SH3RF1: variants seen among roughly 807,000 people sequenced by gnomAD.
SH3RF1 encodes E3 ubiquitin-protein ligase SH3RF1.
SH3RF1 carries 32 observed loss-of-function variants against 74.0 expected under a neutral mutation model. The observed-to-expected ratio is 0.43, with a 90% CI of 0.33 to 0.58. The LOEUF (loss-of-function observed/expected upper bound fraction) is 0.58. Ranked by LOEUF, SH3RF1 falls within the 20% of genes least tolerant of loss-of-function variation. SH3RF1 has a pLI of 0.05. For missense variants in SH3RF1, 954 were observed against 1,130.9 expected, an observed-to-expected ratio of 0.84 and a Z score of 2.24; for synonymous variants, 396 against 439.6, an observed-to-expected ratio of 0.90 and a Z score of 1.24.
At chr4:169,215,795 T>C (rs1315441349) in intron 2 of SH3RF1, among the ~76,000 whole-genome samples, 1 of 152,046 alleles carries the variant, frequency 6.6e-6, no homozygotes, top group Non-Finnish European at 1.5e-5. Context: ...TTCGTTTGCT[T>C]GTTTGTAACT....
chr4:169,145,859 TA>T (rs896822559), intron 4 of SH3RF1, among the ~76,000 whole-genome samples: 2 of 117,430 alleles, frequency 1.7e-5, no homozygotes, highest in African/African-American at 6.4e-5. Flanking sequence ...TTATTCTATA[TA>T]AAATATGTAT....
chr4:169,102,114 C>G (rs1733047866), intron 11 of SH3RF1, among the ~76,000 whole-genome samples: 1 of 152,214 alleles, frequency 6.6e-6, no homozygotes, highest in Non-Finnish European at 1.5e-5. Context: ...GTTCATCACT[C>G]TGACCTGGGT....
At chr4:169,262,125 G>C (rs1319130175) in intron 2 of SH3RF1, among the ~76,000 whole-genome samples, 1 of 152,094 alleles carries the variant, frequency 6.6e-6, no homozygotes. Context: ...GTAGGTCTAT[G>C]TGCTTAAACA....
intron 2 of SH3RF1, among the ~76,000 whole-genome samples, chr4:169,224,345 T>C (rs1579148147): frequency 2.7e-5 from 4 of 148,162 alleles, no homozygotes; most frequent in East Asian, 2.0e-4. Context: ...TGAAATGGAG[T>C]CTTGCTCTGT....
intron 2 of SH3RF1, among the ~76,000 whole-genome samples, chr4:169,195,474 A>G (rs1734793839): frequency 6.6e-6 from 1 of 152,308 alleles, no homozygotes; most frequent in Non-Finnish European, 1.5e-5. Flanking sequence ...GTTATTTATC[A>G]GTGTTACAAA....
At chr4:169,256,225 A>AGGAGGCAGAGAAGGAAGAAAGGGAG (rs1210487073) in intron 2 of SH3RF1, among the ~76,000 whole-genome samples, 5 of 151,108 alleles carry the variant, frequency 3.3e-5, no homozygotes, top group African/African-American at 1.2e-4. Flanking sequence ...ATCACAGGGA[A>AGGAGGCAGAGAAGGAAGAAAGGGAG]GGAGGCAGAG....
At chr4:169,162,846 G>T (rs1031466897) in intron 2 of SH3RF1, among the ~76,000 whole-genome samples, 14 of 152,206 alleles carry the variant, frequency 9.2e-5, no homozygotes, top group African/African-American at 3.4e-4. Flanking sequence ...GCTGACCAAG[G>T]CCAGCCTTTG....
intron 2 of SH3RF1, among the ~76,000 whole-genome samples, chr4:169,259,737 C>T (rs892076072): frequency 6.6e-6 from 1 of 152,164 alleles, no homozygotes. Flanking sequence ...CATAATATTT[C>T]TATCATATGT....
intron 2 of SH3RF1, among the ~76,000 whole-genome samples, chr4:169,265,569 G>A (rs1385676603): frequency 6.6e-6 from 1 of 152,158 alleles, no homozygotes; most frequent in African/African-American, 2.4e-5. Flanking sequence ...TGCCTCCCAG[G>A]TTCAAGCGAT....
chr4:169,117,773 TGTCACC>T lies in SH3RF1; in HGVS notation c.1521_1526del (p.Val508_Thr509del). ...TAGGGACTTTAGCTTGGGAAGCATT[TGTCACC>T]GCCCTGCCAAGACACAAACATAGAT... On this transcript the variant is annotated inframe_deletion, in exon 9 of 12. Transcript: ENST00000284637. 6.2e-7 allele frequency: 1 copy of T among 1,608,844 alleles called. No individual in the cohort carries two copies. Among genetic ancestry groups the T allele is most frequent in the Non-Finnish European group, 8.5e-7 (1 of 1,175,646 alleles).
At chr4:169,242,258 G>A in intron 2 of SH3RF1, among the ~76,000 whole-genome samples, 1 of 151,954 alleles carries the variant, frequency 6.6e-6, no homozygotes, top group East Asian at 1.9e-4. Context: ...ATATAAAACT[G>A]CTTTCACTTG....
chr4:169,104,015 G>C (rs947823060), intron 11 of SH3RF1, among the ~76,000 whole-genome samples: 11 of 152,164 alleles, frequency 7.2e-5, no homozygotes, highest in African/African-American at 2.4e-4. Flanking sequence ...GTCTGAGCTA[G>C]CAATTCCTTC....
At chr4:169,270,345 C>T (rs1449904184) in intron 1 of SH3RF1, among the ~76,000 whole-genome samples, 1 of 152,054 alleles carries the variant, frequency 6.6e-6, no homozygotes, top group Non-Finnish European at 1.5e-5. Flanking sequence ...CGGCAGGAGC[C>T]GGTCGCGGCC....
Position 169,096,526 on chromosome 4 carries a change from T to C in SH3RF1, c.2660A>G (p.Asn887Ser). Residue 887 changes from asparagine to serine, a missense_variant, in exon 12 of 12, where the codon AAC (asparagine) becomes AGC (serine). Around this residue, in one of 3 missense-constraint regions of SH3RF1, gnomAD observed 36 missense variants for 66.5 expected, o/e 0.54. Coordinates refer to ENST00000284637, the MANE Select transcript of SH3RF1 (RefSeq NM_020870.4). Reference protein sequence around the residue: ...TGLFPGSFVENI With the variant: ...TGLFPGSFVESI ...TCTTCAGTGTCAGTCTCCTCATATG[T>C]TTTCCACAAAGCTTCCTGGGAAAAG... 1 of 1,613,734 alleles carries C rather than the reference T, an allele frequency of 6.2e-7. No individual in the cohort carries two copies. Among genetic ancestry groups the C allele is most frequent in the South Asian group, 1.1e-5 (1 of 90,946 alleles).
intron 2 of SH3RF1, among the ~76,000 whole-genome samples, chr4:169,245,863 T>C (rs890216931): frequency 2.6e-5 from 4 of 152,226 alleles, no homozygotes; most frequent in Non-Finnish European, 5.9e-5. Flanking sequence ...CCACCTTCAA[T>C]AGATTCTTCC....
At chr4:169,231,867 A>G (rs1730746402) in intron 2 of SH3RF1, among the ~76,000 whole-genome samples, 1 of 152,262 alleles carries the variant, frequency 6.6e-6, no homozygotes, top group Non-Finnish European at 1.5e-5. Flanking sequence ...AGGATATATA[A>G]GTATCAGGTC....
intron 4 of SH3RF1, among the ~76,000 whole-genome samples, chr4:169,138,296 A>G (rs1733732384): frequency 6.6e-6 from 1 of 152,210 alleles, no homozygotes; most frequent in Non-Finnish European, 1.5e-5. Flanking sequence ...ATGGAGGGGT[A>G]GGGTCCTCTT....
At chr4:169,270,236 C>T (rs371007155) in intron 1 of SH3RF1, among the ~76,000 whole-genome samples, 8 of 152,156 alleles carry the variant, frequency 5.3e-5, no homozygotes, top group African/African-American at 1.7e-4. Context: ...GGCTGCACCC[C>T]CGCTCCCACG....
At chr4:169,187,905 A>G (rs1220382218) in intron 2 of SH3RF1, among the ~76,000 whole-genome samples, 1 of 152,174 alleles carries the variant, frequency 6.6e-6, no homozygotes, top group Non-Finnish European at 1.5e-5. Flanking sequence ...AAATGAGGTC[A>G]TGCTGGATTT....
Sources: allele counts gnomAD v4.1 joint callset (sites outside exome capture counted in the v4.1 genomes callset), GRCh38; gene constraint gnomAD v4.1.1; regional missense constraint gnomAD v4.1.1; transcripts MANE v1.5; gene names NCBI Gene and HGNC (gene_info 2026-07-23, HGNC 2026-07-21).